Variants in STK24 observed in about 807,000 individuals in gnomAD.
The protein encoded by STK24 is serine/threonine kinase 24.
STK24 carries 21 observed loss-of-function variants against 55.6 expected under a neutral mutation model. That is an observed-to-expected ratio of 0.38 (90% CI 0.27 to 0.54). STK24 has a LOEUF of 0.54. Among genes scored for constraint, STK24 ranks in the 20% least tolerant of loss-of-function variants. STK24 has a pLI of 0.79. For missense variants in STK24, 383 were observed against 538.4 expected (o/e 0.71, Z 2.86); for synonymous variants, 200 against 215.2 (o/e 0.93, Z 0.62).
intron 1 of STK24, among the ~76,000 whole-genome samples, chr13:98,538,829 G>A (rs985906789): frequency 1.3e-5 from 2 of 152,162 alleles, no homozygotes; most frequent in African/African-American, 4.8e-5. Flanking sequence ...AGGCCCTGGT[G>A]TCCCTTCTTT....
intron 1 of STK24, among the ~76,000 whole-genome samples, chr13:98,567,095 C>G (rs146741671): frequency 1.3e-5 from 2 of 152,356 alleles, no homozygotes; most frequent in East Asian, 3.9e-4. Flanking sequence ...CAAGAAATCA[C>G]TTGAAGGCCA....
chr13:98,515,692 C>A (rs1042349634), intron 2 of STK24, among the ~76,000 whole-genome samples: 1 of 152,216 alleles, frequency 6.6e-6, no homozygotes, highest in Non-Finnish European at 1.5e-5. Flanking sequence ...ATTTAGACCA[C>A]TTCTCTATTG....
chr13:98,573,759 G>A (rs1347460873), intron 1 of STK24, among the ~76,000 whole-genome samples: 1 of 152,250 alleles, frequency 6.6e-6, no homozygotes, highest in East Asian at 1.9e-4. Context: ...ATGAGTGGGA[G>A]TAGGAGGAGT....
At chr13:98,566,627 T>C (rs1897580050) in intron 1 of STK24, among the ~76,000 whole-genome samples, 1 of 152,198 alleles carries the variant, frequency 6.6e-6, no homozygotes, top group African/African-American at 2.4e-5. Flanking sequence ...CCGACAAGGC[T>C]TCCCATGAAG....
chr13:98,468,732 A>T (rs543802484), intron 5 of STK24, among the ~76,000 whole-genome samples: 1 of 152,326 alleles, frequency 6.6e-6, no homozygotes, highest in South Asian at 2.1e-4. Context: ...AAGGGTACAT[A>T]ATAGTTATAT....
At chr13:98,548,932 G>C (rs1275884693) in intron 1 of STK24, among the ~76,000 whole-genome samples, 1 of 150,998 alleles carries the variant, frequency 6.6e-6, no homozygotes, top group Non-Finnish European at 1.5e-5. Flanking sequence ...ATACACATGT[G>C]GCTCTCCCAA....
chr13:98,523,344 G>C (rs1330505742), intron 1 of STK24, among the ~76,000 whole-genome samples: 1 of 152,186 alleles, frequency 6.6e-6, no homozygotes, highest in African/African-American at 2.4e-5. Context: ...TTACCACATT[G>C]TTGAGGACCC....
intron 2 of STK24, among the ~76,000 whole-genome samples, chr13:98,501,760 C>G (rs1895472656): frequency 6.6e-6 from 1 of 152,190 alleles, no homozygotes; most frequent in South Asian, 2.1e-4. Flanking sequence ...TGTATCATCT[C>G]TACGGTGAGA....
chr13:98,527,925 C>A (rs891331511), intron 1 of STK24, among the ~76,000 whole-genome samples: 5 of 152,210 alleles, frequency 3.3e-5, no homozygotes, highest in African/African-American at 1.2e-4. Context: ...CGTCTTGCAG[C>A]CCCGCCAGCT....
intron 1 of STK24, among the ~76,000 whole-genome samples, chr13:98,552,646 C>T (rs1490128313): frequency 1.3e-5 from 2 of 152,000 alleles, no homozygotes; most frequent in African/African-American, 2.4e-5. Flanking sequence ...GGGTGGCTAC[C>T]GAGGGCGCCT....
chr13:98,522,595 G>A (rs1896302633), intron 1 of STK24, among the ~76,000 whole-genome samples: 1 of 152,162 alleles, frequency 6.6e-6, no homozygotes, highest in South Asian at 2.1e-4. Context: ...TTTCTACCCA[G>A]ACATCTCTAG....
At chr13:98,494,584 G>C (rs1241193141) in intron 2 of STK24, among the ~76,000 whole-genome samples, 1 of 152,070 alleles carries the variant, frequency 6.6e-6, no homozygotes, top group South Asian at 2.1e-4. Flanking sequence ...CAAAGGAAGG[G>C]ACTGTTCACT....
rs201255218 is a variant in STK24, at chr13:98,461,903, C to A, written c.930-6G>T. 8 of 1,613,464 alleles carry A rather than the reference C, an allele frequency of 5.0e-6. No individual in the cohort carries two copies. The highest frequency in any genetic ancestry group is 4.4e-5 in the South Asian group (4 of 91,068). ...AGGCTTGGCCATCTGTTTCCCTTAACACAGAAATGCAGGAAATCCCATCAG... is the reference window on the plus strand; with the variant it reads ...AGGCTTGGCCATCTGTTTCCCTTAAAACAGAAATGCAGGAAATCCCATCAG... On this transcript the variant is annotated splice_polypyrimidine_tract_variant and splice_region_variant and intron_variant, in intron 7 of 10. Coordinates refer to ENST00000539966, the MANE Select transcript of STK24 (RefSeq NM_001032296.4).
chr13:98,516,432 T>A (rs537029994), intron 2 of STK24, among the ~76,000 whole-genome samples: 17 of 152,296 alleles, frequency 1.1e-4, no homozygotes, highest in Admixed American at 5.9e-4. Context: ...CTATTCCACT[T>A]CCTACAGAGA....
Position 98,448,988 on chromosome 13 carries a change from C to A in STK24, c.*4185G>T, listed in dbSNP as rs988674810. 1.3e-5 allele frequency: 2 copies of A among 152,212 alleles called. No homozygotes were observed. The highest frequency in any genetic ancestry group is 4.8e-5 in the African/African-American group (2 of 41,414). The allele number at this position is 152,212 out of a possible 1,614,324, so 9.4% of individuals were successfully genotyped here. On this transcript the variant is annotated 3_prime_UTR_variant, in exon 11 of 11. Coordinates refer to ENST00000539966, the MANE Select transcript of STK24 (RefSeq NM_001032296.4). ...AAATCGTTTTAAGTGGTAACTCTTT[C>A]CAACCGTAGCAGGGTTGTTTTCTGT...
At chr13:98,475,149 G>T in intron 4 of STK24, 101 bp downstream of exon 4, 1 of 1,395,954 alleles carries the variant, frequency 7.2e-7, no homozygotes. Context: ...AGGCAAACGT[G>T]CAGGACAAAT....
At chr13:98,510,909 T>C (rs1895857938) in intron 2 of STK24, among the ~76,000 whole-genome samples, 1 of 152,182 alleles carries the variant, frequency 6.6e-6, no homozygotes, top group African/African-American at 2.4e-5. Flanking sequence ...GTTTTTATTT[T>C]TTTACTTAAA....
intron 9 of STK24, among the ~76,000 whole-genome samples, chr13:98,459,306 C>T (rs2031239): frequency 0.26 from 39,073 of 152,222 alleles, 5,177 homozygotes; most frequent in Non-Finnish European, 0.3. Flanking sequence ...AGCAGGGCCT[C>T]CGCGTGCCCT....
chr13:98,501,746 C>T (rs1895471763), intron 2 of STK24, among the ~76,000 whole-genome samples: 1 of 152,102 alleles, frequency 6.6e-6, no homozygotes, highest in Non-Finnish European at 1.5e-5. Context: ...CTGGCCAATC[C>T]TCATGTATCA....
Sources: gnomAD v4.1 joint callset for allele counts (sites outside exome capture counted in the v4.1 genomes callset) on GRCh38, gnomAD v4.1.1 for gene constraint, MANE v1.5 for transcripts, NCBI Gene and HGNC (gene_info 2026-07-23, HGNC 2026-07-21) for gene names.